The following DEPTOR variants were observed in gnomAD, a reference collection of about 807,000 sequenced individuals.
DEPTOR encodes the protein DEP domain containing MTOR interacting protein, also known as DEP domain-containing mTOR-interacting protein.
A neutral mutation model predicts 41.6 loss-of-function variants in DEPTOR; 41 were observed. The observed-to-expected ratio is 0.98, with a 90% CI of 0.77 to 1.28. The LOEUF (loss-of-function observed/expected upper bound fraction) is 1.28, where lower values mean the gene tolerates loss of function less well. Among genes scored for constraint, DEPTOR ranks in the 50% most tolerant of loss-of-function variants. The probability of loss-of-function intolerance (pLI) is 0.00; values close to 1 mark genes in which losing one functional copy is unlikely to be tolerated. For synonymous variants in DEPTOR, 195 were observed against 192.3 expected, an observed-to-expected ratio of 1.01 and a Z score of -0.12; for missense variants, 514 against 527.9, an observed-to-expected ratio of 0.97 and a Z score of 0.26.
chr8:119,968,839 C>G (rs1411878017), intron 4 of DEPTOR, among the ~76,000 whole-genome samples: 1 of 151,998 alleles, frequency 6.6e-6, no homozygotes, highest in African/African-American at 2.4e-5. Flanking sequence ...ACAGTTGGTT[C>G]TTTCATATCT....
At chr8:119,886,211 A>C (rs17220787) in intron 1 of DEPTOR, among the ~76,000 whole-genome samples, 8 of 152,288 alleles carry the variant, frequency 5.3e-5, no homozygotes, top group African/African-American at 1.9e-4. Flanking sequence ...TTCATGTGCC[A>C]GCTCTTTTAT....
chr8:120,040,920 G>T (rs111857522), intron 8 of DEPTOR, among the ~76,000 whole-genome samples: 1 of 152,032 alleles, frequency 6.6e-6, no homozygotes, highest in Non-Finnish European at 1.5e-5. Context: ...TCATTTAATC[G>T]GGCAGCCTTT....
intron 4 of DEPTOR, among the ~76,000 whole-genome samples, chr8:119,970,563 C>T (rs1828618969): frequency 6.6e-6 from 1 of 152,242 alleles, no homozygotes; most frequent in Admixed American, 6.5e-5. Flanking sequence ...TAAGTGGCCA[C>T]GTCTGCATCT....
intron 8 of DEPTOR, among the ~76,000 whole-genome samples, chr8:120,037,595 T>C (rs1012152276): frequency 7.2e-5 from 11 of 152,152 alleles, no homozygotes. Context: ...CCTGGAATCT[T>C]TAAACTCTTC....
chr8:119,962,285 C>T (rs939190282), intron 3 of DEPTOR, among the ~76,000 whole-genome samples: 1 of 151,682 alleles, frequency 6.6e-6, no homozygotes, highest in Non-Finnish European at 1.5e-5. Context: ...ACAAAAAACC[C>T]CAAAGTTTTA....
chr8:120,001,004 G>C (rs1203399782), intron 4 of DEPTOR, among the ~76,000 whole-genome samples: 3 of 151,912 alleles, frequency 2.0e-5, no homozygotes, highest in Non-Finnish European at 4.4e-5. Context: ...TTGAACCTGG[G>C]AGGCGGAGGT....
chr8:120,018,557 C>T (rs1812647762), intron 8 of DEPTOR, among the ~76,000 whole-genome samples: 2 of 152,020 alleles, frequency 1.3e-5, no homozygotes, highest in Non-Finnish European at 2.9e-5. Flanking sequence ...CCAGCTTGTG[C>T]AACAGAGCAA....
At chr8:119,944,908 C>T (rs1828252215) in intron 3 of DEPTOR, among the ~76,000 whole-genome samples, 1 of 152,072 alleles carries the variant, frequency 6.6e-6, no homozygotes, top group Non-Finnish European at 1.5e-5. Context: ...CCCACCTCAG[C>T]CTCCCAAAGT....
chr8:120,031,315 A>G (rs1428738949), intron 8 of DEPTOR, among the ~76,000 whole-genome samples: 3 of 152,102 alleles, frequency 2.0e-5, no homozygotes, highest in African/African-American at 7.2e-5. Flanking sequence ...AAATTCAAAA[A>G]TTAGCCAAGT....
intron 1 of DEPTOR, among the ~76,000 whole-genome samples, chr8:119,901,038 A>C (rs993347178): frequency 2.0e-5 from 3 of 152,138 alleles, no homozygotes; most frequent in African/African-American, 7.2e-5. Flanking sequence ...TTCCTTTTTC[A>C]AAAGTAGGAA....
chr8:119,978,670 G>T lies in DEPTOR; in HGVS notation c.604+13260G>T, dbSNP rs149583336. On this transcript the variant is annotated intron_variant, in intron 4 of 8. Coordinates refer to ENST00000286234, the MANE Select transcript of DEPTOR (RefSeq NM_022783.4). ...CAGCCCCCTCCCAGCTGGGTGGCTA[G>T]GGGGTTTGGGCTGGGATTCCTGTCT... Among the ~76,000 whole-genome samples the T allele has an allele frequency of 5.6e-3, 854 of 152,228 alleles. 9 individuals are homozygous for T. Among genetic ancestry groups the T allele is most frequent in the African/African-American group, 0.02 (815 of 41,536 alleles).
chr8:120,023,080 G>C (rs185902891), intron 8 of DEPTOR, among the ~76,000 whole-genome samples: 1 of 152,270 alleles, frequency 6.6e-6, no homozygotes, highest in African/African-American at 2.4e-5. Context: ...GCATGGTGAG[G>C]TGGGCCTGTC....
intron 8 of DEPTOR, among the ~76,000 whole-genome samples, chr8:120,011,582 CG>C (rs1475849976): frequency 1.3e-5 from 2 of 152,122 alleles, no homozygotes; most frequent in Non-Finnish European, 2.9e-5. Context: ...TGCACTCACT[CG>C]CATGATGCTT....
intron 4 of DEPTOR, among the ~76,000 whole-genome samples, chr8:119,994,226 C>T (rs754593470): frequency 6.6e-6 from 1 of 152,042 alleles, no homozygotes; most frequent in Non-Finnish European, 1.5e-5. Flanking sequence ...AGAGGCAGGG[C>T]AATCGCTTGA....
intron 1 of DEPTOR, among the ~76,000 whole-genome samples, chr8:119,874,812 G>A (rs957632013): frequency 2.6e-5 from 4 of 152,148 alleles, no homozygotes; most frequent in Non-Finnish European, 4.4e-5. Flanking sequence ...TTTGGGAATA[G>A]TACTTATGGT....
intron 1 of DEPTOR, among the ~76,000 whole-genome samples, chr8:119,911,805 C>G (rs1229944783): frequency 6.6e-6 from 1 of 152,174 alleles, no homozygotes; most frequent in Non-Finnish European, 1.5e-5. Context: ...ATGAACACAG[C>G]TATCAAAGGA....
intron 1 of DEPTOR, among the ~76,000 whole-genome samples, chr8:119,886,849 C>A (rs1827370889): frequency 6.6e-6 from 1 of 152,070 alleles, no homozygotes; most frequent in South Asian, 2.1e-4. Flanking sequence ...TAAACAAACC[C>A]TATTTTTGGC....
chr8:119,902,311 A>G (rs1188004393), intron 1 of DEPTOR, among the ~76,000 whole-genome samples: 1 of 151,666 alleles, frequency 6.6e-6, no homozygotes, highest in South Asian at 2.1e-4. Context: ...ACACATGACT[A>G]AGTGATGGAG....
chr8:119,943,837 A>G (rs557702709), intron 3 of DEPTOR, among the ~76,000 whole-genome samples: 19 of 151,618 alleles, frequency 1.3e-4, no homozygotes, highest in South Asian at 2.1e-4. Flanking sequence ...TTTTTATTTT[A>G]TTATTATTAT....
Sources: gnomAD v4.1 joint callset for allele counts (sites outside exome capture counted in the v4.1 genomes callset) on GRCh38, gnomAD v4.1.1 for gene constraint, MANE v1.5 for transcripts, NCBI Gene and HGNC (gene_info 2026-07-23, HGNC 2026-07-21) for gene names.